UTP11: variants seen among roughly 807,000 people sequenced by gnomAD.
UTP11 encodes probable U3 small nucleolar RNA-associated protein 11.
In UTP11, 29 loss-of-function variants were observed where a neutral mutation model predicts 39.0. That is an observed-to-expected ratio of 0.74 (90% CI 0.55 to 1.01). The LOEUF (loss-of-function observed/expected upper bound fraction) is 1.01. Among genes scored for constraint, UTP11 ranks in the 50% least tolerant of loss-of-function variants. UTP11 has a pLI of 0.00. For missense variants in UTP11, 281 were observed against 306.0 expected (o/e 0.92, Z 0.61); for synonymous variants, 111 against 105.0 (o/e 1.06, Z -0.35).
At chr1:38,012,968 T>C (rs912528952) in intron 1 of UTP11, 103 bp downstream of exon 1, 4 of 1,371,670 alleles carry the variant, frequency 2.9e-6, no homozygotes, top group Non-Finnish European at 4.1e-6. Context: ...CTGTATAGTA[T>C]ATAAATGCAC....
In UTP11 at chr1:38,019,073, A is replaced by G; in HGVS notation, c.357A>G (p.Leu119=). ...CTGTGTTCTAGAAAATCGAAAGACT[A>G]AAATCAGAGCTCCATCTGCTGGATT... ...RVAEAKKIER[L]KSELHLLDFQ... The change falls in exon 5 of 8, where the codon CTA becomes CTG. Residue 119 remains leucine, a synonymous_variant. Transcript: ENST00000373014. 1 of 1,613,782 alleles carries G rather than the reference A, an allele frequency of 6.2e-7. No homozygotes were observed. The highest frequency in any genetic ancestry group is 8.5e-7 in the Non-Finnish European group (1 of 1,179,948).
chr1:38,012,859 A>G lies in UTP11; in HGVS notation c.57A>G (p.Arg19=), dbSNP rs1197749492. ...CCCGGCAGCGGGAACACAGAGAGCG[A>G]AGCCAGGTAGGACCATACAGGCCCC... ...AKSRQREHRE[R]SQPGFRKHLG... is the part of the protein sequence containing the mutation. Residue 19 remains arginine, a synonymous_variant, in exon 1 of 8, where the codon CGA becomes CGG. Coordinates refer to ENST00000373014, the MANE Select transcript of UTP11 (RefSeq NM_016037.4). The G allele has an allele frequency of 6.2e-7, 1 of 1,614,212 alleles. No individual in the cohort carries two copies. Among genetic ancestry groups the G allele is most frequent in the East Asian group, 2.2e-5 (1 of 44,892 alleles).
chr1:38,016,264 C>T, intron 1 of UTP11, 95 bp from the exon 2 acceptor site: 3 of 1,277,426 alleles, frequency 2.3e-6, no homozygotes, highest in Admixed American at 1.8e-5. Flanking sequence ...TTACTGAGCA[C>T]TCCAGAGACT....
chr1:38,023,738 C>CT lies in UTP11; in HGVS notation c.*111dup. 1.2e-6 allele frequency: 1 copy of CT among 840,368 alleles called. No homozygotes were observed. The highest frequency in any genetic ancestry group is 1.8e-6 in the Non-Finnish European group (1 of 559,778). The allele number at this position is 840,368 out of a possible 1,614,324, so 52.1% of individuals were successfully genotyped here. A position where few individuals can be genotyped will look rare whatever the true frequency, so the allele number is the denominator to read the frequency against. On this transcript the variant is annotated 3_prime_UTR_variant, in exon 8 of 8. Coordinates refer to ENST00000373014, the MANE Select transcript of UTP11 (RefSeq NM_016037.4). ...ATGGTTTTCCGGTTTGTAACCATAA[C>CT]TAAATTGTCAGTCTGACATTTAATG...
intron 2 of UTP11, 46 bp from the exon 3 acceptor site, chr1:38,017,622 C>CTG (rs1217188490): frequency 2.7e-6 from 3 of 1,130,970 alleles, no homozygotes; most frequent in African/African-American, 4.4e-5. Context: ...TTAAAATTAT[C>CTG]TATTTTTTTT....
rs768592127 is a variant in UTP11 at position 38,022,745 on chromosome 1, G to A, written c.614G>A (p.Arg205Gln). 26 of 1,613,892 alleles carry A rather than the reference G, an allele frequency of 1.6e-5. No homozygotes were observed. The South Asian group carries it at 2.1e-4, about 13-fold the overall frequency. ...AAGCAGTATAACTGCCTGACACAGC[G>A]GATTGAACGAGAGAAGAAATTGTTC... The part of the protein sequence containing the change: ...RQKQYNCLTQ[R>Q]IEREKKLFVI... Residue 205 changes from arginine (R) to glutamine (Q), a missense_variant, in exon 7 of 8, where the codon CGG becomes CAG. Physicochemically the swap from Arg to Gln is conservative, Grantham distance 43. Coordinates refer to ENST00000373014, the MANE Select transcript of UTP11 (RefSeq NM_016037.4).
In UTP11 at chr1:38,019,334, C is replaced by T. The variant is rs775671449; in HGVS notation, c.518C>T (p.Thr173Ile). ...DRVFNRPRIE[T>I]LQKEKVKGVT... is the part of the protein sequence containing the mutation. The stretch of plus-strand genomic sequence containing the variant: ...GTCTTTAATAGGCCCAGGATAGAGA[C>T]CTTGCAGAAAGAAAAAGTGAAAGGA... Residue 173 changes from threonine to isoleucine, a missense_variant, in exon 6 of 8, where the codon ACC (threonine) becomes ATC (isoleucine). Coordinates refer to ENST00000373014, the MANE Select transcript of UTP11 (RefSeq NM_016037.4). The T allele has an allele frequency of 1.2e-6, 2 of 1,613,776 alleles. No individual in the cohort carries two copies. The highest frequency in any genetic ancestry group is 1.7e-6 in the Non-Finnish European group (2 of 1,179,940).
At chr1:38,018,682 T>G in intron 4 of UTP11, 105 bp downstream of exon 4, 2 of 876,590 alleles carry the variant, frequency 2.3e-6, no homozygotes, top group Non-Finnish European at 3.6e-6. Context: ...ACAATCTCAC[T>G]TGATTGTAAT....
rs749308194 is a variant in UTP11 at position 38,017,737 on chromosome 1, A to G, written c.195A>G (p.Glu65=). ...AGGCTCTTGAAAAAAATCCAGATGA[A>G]TTCTACTACAAAATGACTCGGGTTA... ...RKKALEKNPD[E]FYYKMTRVKL... Residue 65 remains glutamate (E), a synonymous_variant, in exon 3 of 8, where the codon GAA becomes GAG. Transcript: ENST00000373014. The G allele has an allele frequency of 7.4e-6, 12 of 1,612,168 alleles. No individual in the cohort carries two copies. Among genetic ancestry groups the G allele is most frequent in the East Asian group, 2.2e-5 (1 of 44,722 alleles).
chr1:38,020,952 C>T (rs1268987553), intron 6 of UTP11, among the ~76,000 whole-genome samples: 2 of 150,408 alleles, frequency 1.3e-5, no homozygotes, highest in African/African-American at 2.5e-5. Context: ...GACGGAGTCT[C>T]ACTCTGTCAC....
At chr1:38,018,108 T>A (rs1233768085) in intron 3 of UTP11, among the ~76,000 whole-genome samples, 1 of 152,112 alleles carries the variant, frequency 6.6e-6, no homozygotes, top group Non-Finnish European at 1.5e-5. Context: ...TCACTCTCTG[T>A]TGCCCAGGCT....
intron 1 of UTP11, among the ~76,000 whole-genome samples, chr1:38,014,482 T>C (rs1646696382): frequency 6.6e-6 from 1 of 152,246 alleles, no homozygotes; most frequent in African/African-American, 2.4e-5. Flanking sequence ...GGTTTCCTTT[T>C]GTAATGCGAT....
chr1:38,018,509 G>C lies in UTP11; in HGVS notation c.274G>C (p.Glu92Gln). ...GGAGACTAAGGAAGAAGTAACCCCA[G>C]AACAACTAAAGCTGATGAGAACTCA... is the stretch of plus-strand genomic sequence containing the variant. ...IKETKEEVTP[E>Q]QLKLMRTQDV... is the part of the protein sequence containing the mutation. Residue 92 changes from glutamate (E) to glutamine (Q), a missense_variant, in exon 4 of 8, where the codon GAA becomes CAA. Transcript: ENST00000373014. 1 of 1,613,856 alleles carries C rather than the reference G, an allele frequency of 6.2e-7. No homozygotes were observed. The highest frequency in any genetic ancestry group is 8.5e-7 in the Non-Finnish European group (1 of 1,179,922).
chr1:38,019,438 T>C, intron 6 of UTP11, 55 bp downstream of exon 6: 1 of 1,376,256 alleles, frequency 7.3e-7, no homozygotes, highest in Non-Finnish European at 9.6e-7. Flanking sequence ...AGGTGTTTTT[T>C]TTTTGTTTTT....
Position 38,019,123 on chromosome 1 carries a change from A to G in UTP11, c.407A>G (p.His136Arg), listed in dbSNP as rs77328659. 2.5e-3 allele frequency: 4,007 copies of G among 1,614,112 alleles called. 22 individuals are homozygous for G. The highest frequency in any genetic ancestry group is 3.0e-3 in the Non-Finnish European group (3,514 of 1,180,008). Reference sequence around the variant, plus strand: ...TTCCAGGGGAAGCAACAGAACAAGCATGTGTTCTTTTTTGACACCAAAAAG... The same window carrying G: ...TTCCAGGGGAAGCAACAGAACAAGCGTGTGTTCTTTTTTGACACCAAAAAG... Reference protein sequence around the residue: ...LDFQGKQQNKHVFFFDTKKEV... With the variant: ...LDFQGKQQNKRVFFFDTKKEV... Residue 136 changes from histidine to arginine, a missense_variant, in exon 5 of 8, where the codon CAT becomes CGT. Coordinates refer to ENST00000373014, the MANE Select transcript of UTP11 (RefSeq NM_016037.4).
intron 1 of UTP11, among the ~76,000 whole-genome samples, chr1:38,015,736 T>G (rs556706114): frequency 6.6e-6 from 1 of 152,330 alleles, no homozygotes; most frequent in East Asian, 1.9e-4. Context: ...TCATACTGAG[T>G]ACCACAAGTA....
At chr1:38,016,081 C>G (rs865937655) in intron 1 of UTP11, among the ~76,000 whole-genome samples, 11 of 152,254 alleles carry the variant, frequency 7.2e-5, no homozygotes, top group African/African-American at 2.2e-4. Context: ...CTGGCAACTG[C>G]TTGCTTAGTG....
At chr1:38,020,887 GTTC>G (rs1323126617) in intron 6 of UTP11, among the ~76,000 whole-genome samples, 1 of 151,394 alleles carries the variant, frequency 6.6e-6, no homozygotes, top group African/African-American at 2.4e-5. Context: ...GCTCATGAGT[GTTC>G]TTGTGATAAC....
At position 38,019,324 on chromosome 1, in the gene UTP11, A is replaced by G; in HGVS notation, c.508A>G (p.Arg170Gly). The G allele has an allele frequency of 1.2e-6, 2 of 1,614,112 alleles. No homozygotes were observed. The highest frequency in any genetic ancestry group is 1.3e-5 in the African/African-American group (1 of 75,030). Residue 170 changes from arginine to glycine, a missense_variant, in exon 6 of 8, where the codon AGG (arginine) becomes GGG (glycine). Arg to Gly is a moderately radical substitution (Grantham distance 125). Coordinates refer to ENST00000373014, the MANE Select transcript of UTP11 (RefSeq NM_016037.4). ...ELVDRVFNRPRIETLQKEKVK... is the reference protein window; with the variant it reads ...ELVDRVFNRPGIETLQKEKVK... ...AGTCGACAGAGTCTTTAATAGGCCCAGGATAGAGACCTTGCAGAAAGAAAA... is the reference window on the plus strand; with the variant it reads ...AGTCGACAGAGTCTTTAATAGGCCCGGGATAGAGACCTTGCAGAAAGAAAA...
Sources: allele counts gnomAD v4.1 joint callset (sites outside exome capture counted in the v4.1 genomes callset), GRCh38; gene constraint gnomAD v4.1.1; transcripts MANE v1.5; gene names NCBI Gene and HGNC (gene_info 2026-07-23, HGNC 2026-07-21).